ADARB2: variants seen among roughly 807,000 people sequenced by gnomAD.
ADARB2 encodes inactive double-stranded RNA-specific editase B2.
A neutral mutation model predicts 62.2 loss-of-function variants in ADARB2; 25 were observed. That is an observed-to-expected ratio of 0.40 (90% CI 0.29 to 0.56). The LOEUF is 0.56. Ranked by LOEUF, ADARB2 falls within the 20% of genes least tolerant of loss-of-function variation. The probability of loss-of-function intolerance (pLI) is 0.43; values close to 1 mark genes in which losing one functional copy is unlikely to be tolerated. For missense variants in ADARB2, 1,071 were observed against 1,077.4 expected (o/e 0.99, Z 0.08); for synonymous variants, 572 against 500.8 (o/e 1.14, Z -1.90).
chr10:1,488,039 A>G (rs1831565475), intron 1 of ADARB2, among the ~76,000 whole-genome samples: 1 of 152,258 alleles, frequency 6.6e-6, no homozygotes, highest in African/African-American at 2.4e-5. Context: ...ATTTCCAAGA[A>G]GGTCATCTAC....
At chr10:1,609,433 CCT>C (rs1403942002) in intron 1 of ADARB2, among the ~76,000 whole-genome samples, 4 of 152,244 alleles carry the variant, frequency 2.6e-5, no homozygotes, top group South Asian at 4.1e-4. Flanking sequence ...CCTGTCTGCC[CCT>C]GTCTCCTGCT....
intron 1 of ADARB2, among the ~76,000 whole-genome samples, chr10:1,396,177 A>T (rs980905693): frequency 6.6e-6 from 1 of 152,204 alleles, no homozygotes; most frequent in Non-Finnish European, 1.5e-5. Context: ...TTTCCTCAGC[A>T]CTGAGCTCCT....
Position 1,336,415 on chromosome 10 carries a change from TTCTCACACA to T in ADARB2, c.1077+26604_1077+26612del, listed in dbSNP as rs550054190. 2.1e-4 allele frequency among the ~76,000 whole-genome samples: 32 copies of T among 152,324 alleles called. No individual in the cohort carries two copies. In the South Asian group the frequency reaches 4.8e-3, roughly 23 times the overall value. ...TCAATGCTTTAGGCATTTAAGGGTATTCTCACACATCTCTGTATCTCTCAACACTTCTGA... is the reference window on the plus strand; with the variant it reads ...TCAATGCTTTAGGCATTTAAGGGTATTCTCTGTATCTCTCAACACTTCTGA... On this transcript the variant is annotated intron_variant, in intron 3 of 9. Coordinates refer to ENST00000381312, the MANE Select transcript of ADARB2 (RefSeq NM_018702.4).
At chr10:1,189,685 C>T (rs1359354491) in intron 8 of ADARB2, among the ~76,000 whole-genome samples, 3 of 152,048 alleles carry the variant, frequency 2.0e-5, no homozygotes, top group African/African-American at 7.3e-5. Flanking sequence ...CAAGATAACA[C>T]AGCAGCACAT....
chr10:1,376,120 C>T (rs1832427626), intron 2 of ADARB2, among the ~76,000 whole-genome samples: 1 of 152,196 alleles, frequency 6.6e-6, no homozygotes, highest in Admixed American at 6.5e-5. Flanking sequence ...TTCTACCTTC[C>T]CGTGCATCTG....
At chr10:1,662,369 T>G (rs1307885161) in intron 1 of ADARB2, among the ~76,000 whole-genome samples, 3 of 152,118 alleles carry the variant, frequency 2.0e-5, no homozygotes, top group African/African-American at 7.2e-5. Flanking sequence ...AGCGCCCTGA[T>G]TGAACCGGGG....
At chr10:1,332,473 TC>T in intron 3 of ADARB2, among the ~76,000 whole-genome samples, 1 of 133,350 alleles carries the variant, frequency 7.5e-6, no homozygotes, top group Non-Finnish European at 1.6e-5. Context: ...CTAACTAGCA[TC>T]AGTTTTGTTT....
At chr10:1,599,914 T>C (rs1400553395) in intron 1 of ADARB2, among the ~76,000 whole-genome samples, 2 of 152,040 alleles carry the variant, frequency 1.3e-5, no homozygotes, top group African/African-American at 4.8e-5. Flanking sequence ...ACCTAATTTT[T>C]GTATTTTTTT....
intron 1 of ADARB2, among the ~76,000 whole-genome samples, chr10:1,623,453 T>C (rs553730779): frequency 8.5e-5 from 13 of 152,250 alleles, no homozygotes; most frequent in African/African-American, 1.2e-4. Context: ...TGAGTAAGAA[T>C]ATAAACTGTT....
At chr10:1,188,732 C>A (rs148055442) in intron 8 of ADARB2, among the ~76,000 whole-genome samples, 1,583 of 152,226 alleles carry the variant, frequency 0.01, 14 homozygotes, top group Non-Finnish European at 0.017. Flanking sequence ...TGATCATGCC[C>A]GTGGAGCGGG....
At chr10:1,428,863 G>A (rs989842675) in intron 1 of ADARB2, among the ~76,000 whole-genome samples, 4 of 149,146 alleles carry the variant, frequency 2.7e-5, no homozygotes, top group East Asian at 2.0e-4. Context: ...ATACACACAC[G>A]GACACACACA....
chr10:1,622,526 AAC>A (rs1833715981), intron 1 of ADARB2, among the ~76,000 whole-genome samples: 1 of 152,218 alleles, frequency 6.6e-6, no homozygotes, highest in Non-Finnish European at 1.5e-5. Context: ...TAAAATTTTG[AAC>A]AGTCATGCCA....
In ADARB2 at chr10:1,182,346, G is replaced by A. The variant is rs1199107742; in HGVS notation, c.*847C>T. The A allele has an allele frequency of 6.5e-6, 1 of 153,914 alleles. No individual in the cohort carries two copies. The highest frequency in any genetic ancestry group is 1.4e-5 in the Non-Finnish European group (1 of 69,178). The allele number at this position is 153,914 out of a possible 1,614,324, so 9.5% of individuals were successfully genotyped here. ...TGACGGACTGAACAGGCATGGGCCA[G>A]GTGTTTCCGGGCTCCCCACATCTGC... On this transcript the variant is annotated 3_prime_UTR_variant, in exon 10 of 10. Coordinates refer to ENST00000381312, the MANE Select transcript of ADARB2 (RefSeq NM_018702.4).
rs543845019 is a variant in ADARB2 at position 1,233,324 on chromosome 10, C to T, written c.1513+370G>A. Among the ~76,000 whole-genome samples the T allele has an allele frequency of 5.3e-5, 8 of 152,346 alleles. No individual in the cohort carries two copies. The East Asian group carries it at 1.5e-3, about 29-fold the overall frequency. ...AAAGCTGAGCTTTTTTCCTCCCCAA[C>T]GCTGTGAGCAAAGGCAAGCAGAGCC... On this transcript the variant is annotated intron_variant, in intron 6 of 9. Coordinates refer to ENST00000381312, the MANE Select transcript of ADARB2 (RefSeq NM_018702.4).
At chr10:1,540,277 G>A (rs938215539) in intron 1 of ADARB2, among the ~76,000 whole-genome samples, 1 of 152,038 alleles carries the variant, frequency 6.6e-6, no homozygotes, top group African/African-American at 2.4e-5. Context: ...AGAGTTTCTC[G>A]GTGGCCAACG....
chr10:1,702,215 C>A (rs1834830613), intron 1 of ADARB2, among the ~76,000 whole-genome samples: 1 of 152,220 alleles, frequency 6.6e-6, no homozygotes, highest in Admixed American at 6.5e-5. Flanking sequence ...GGCAAATATA[C>A]AGACTTAAGT....
chr10:1,360,612 T>A (rs1324211640), intron 3 of ADARB2, among the ~76,000 whole-genome samples: 4 of 152,124 alleles, frequency 2.6e-5, no homozygotes, highest in Non-Finnish European at 4.4e-5. Flanking sequence ...TGGCCCTGAG[T>A]CCCAGTGTCC....
At chr10:1,605,100 T>C (rs1438844642) in intron 1 of ADARB2, among the ~76,000 whole-genome samples, 1 of 152,236 alleles carries the variant, frequency 6.6e-6, no homozygotes, top group Non-Finnish European at 1.5e-5. Context: ...GATGGAAATG[T>C]CATCTACATA....
Position 1,232,751 on chromosome 10 carries a change from TG to T in ADARB2, c.1513+942del, listed in dbSNP as rs1830820903. Among the ~76,000 whole-genome samples the T allele has an allele frequency of 9.9e-5, 15 of 151,002 alleles. No homozygotes were observed. The East Asian group carries it at 1.8e-3, about 18-fold the overall frequency. On this transcript the variant is annotated intron_variant, in intron 6 of 9. Coordinates refer to ENST00000381312, the MANE Select transcript of ADARB2 (RefSeq NM_018702.4). ...GTGTATGTGACATGAGTAGTGTATG[TG>T]GTATGTGGTGTGTGTGGTATATATG...
Sources: allele counts gnomAD v4.1 joint callset (sites outside exome capture counted in the v4.1 genomes callset), GRCh38; gene constraint gnomAD v4.1.1; transcripts MANE v1.5; gene names NCBI Gene and HGNC (gene_info 2026-07-23, HGNC 2026-07-21).